Variants in ZFAND3 observed in about 807,000 individuals in gnomAD.
ZFAND3 encodes the protein zinc finger AN1-type containing 3.
ZFAND3 carries 10 observed loss-of-function variants against 29.6 expected under a neutral mutation model. The ratio of observed to expected loss-of-function variants is 0.34; its 90% confidence interval spans 0.21 to 0.57. ZFAND3 has a LOEUF of 0.57. ZFAND3 is among the 20% of genes least tolerant of loss of function. The pLI, the probability that ZFAND3 is intolerant of heterozygous loss-of-function variation, is 0.86. For missense variants in ZFAND3, 230 were observed against 304.5 expected, an observed-to-expected ratio of 0.76 and a Z score of 1.82; for synonymous variants, 128 against 112.6, an observed-to-expected ratio of 1.14 and a Z score of -0.87.
chr6:38,079,376 C>T (rs530894924), intron 3 of ZFAND3, among the ~76,000 whole-genome samples: 2 of 152,236 alleles, frequency 1.3e-5, no homozygotes, highest in South Asian at 4.1e-4. Context: ...CTGGAGAACA[C>T]CTTCATGATG....
At chr6:38,148,789 A>G (rs1291474794) in intron 5 of ZFAND3, among the ~76,000 whole-genome samples, 4 of 152,126 alleles carry the variant, frequency 2.6e-5, no homozygotes, top group East Asian at 1.9e-4. Flanking sequence ...ACCAAAATGC[A>G]TTTCACCATT....
intron 1 of ZFAND3, among the ~76,000 whole-genome samples, chr6:37,837,682 T>A (rs1202072829): frequency 6.6e-6 from 1 of 152,094 alleles, no homozygotes; most frequent in African/African-American, 2.4e-5. Context: ...CTTTTTTGTA[T>A]TTTTAATAGA....
At chr6:38,014,075 A>C (rs1271137216) in intron 2 of ZFAND3, among the ~76,000 whole-genome samples, 2 of 152,170 alleles carry the variant, frequency 1.3e-5, no homozygotes, top group African/African-American at 4.8e-5. Flanking sequence ...AATAGTTCCC[A>C]AAAAATGTTT....
At chr6:38,059,514 A>G (rs1257480981) in intron 2 of ZFAND3, among the ~76,000 whole-genome samples, 1 of 152,126 alleles carries the variant, frequency 6.6e-6, no homozygotes, top group African/African-American at 2.4e-5. Flanking sequence ...GCCTCTCACC[A>G]TCATACCACC....
chr6:37,921,941 G>A (rs1761389448), intron 1 of ZFAND3, among the ~76,000 whole-genome samples: 1 of 151,478 alleles, frequency 6.6e-6, no homozygotes, highest in South Asian at 2.1e-4. Flanking sequence ...GCATGTACCT[G>A]TAGTCCCAGT....
At position 38,103,452 on chromosome 6, in the gene ZFAND3, CACACATATATACACGTGTATATATAT is replaced by C. The variant is rs1765140619; in HGVS notation, c.362-13114_362-13089del. On this transcript the variant is annotated intron_variant, in intron 4 of 5. Transcript: ENST00000287218. ...ATATATATACACGTGTATATATATA[CACACATATATACACGTGTATATATAT>C]ACACACATATATACACGTGTATATA... Among the ~76,000 whole-genome samples the C allele has an allele frequency of 1.6e-4, 12 of 75,476 alleles. 1 individual carries two copies. The highest frequency in any genetic ancestry group is 6.6e-4 in the Admixed American group (5 of 7,628). 49.5% of individuals were successfully genotyped at this position (75,476 alleles called of 152,430 possible). A position where few individuals can be genotyped will look rare whatever the true frequency, so the allele number is the denominator to read the frequency against.
At chr6:37,844,172 C>T (rs1045758361) in intron 1 of ZFAND3, among the ~76,000 whole-genome samples, 3 of 152,284 alleles carry the variant, frequency 2.0e-5, no homozygotes, top group East Asian at 1.9e-4. Context: ...GATCTGCCCG[C>T]CTCGACCTCC....
At chr6:38,064,847 G>T (rs1396025969) in intron 3 of ZFAND3, among the ~76,000 whole-genome samples, 2 of 152,026 alleles carry the variant, frequency 1.3e-5, no homozygotes, top group Non-Finnish European at 2.9e-5. Context: ...AGTTTCTACA[G>T]ATCTAGGGAA....
chr6:37,921,223 T>C (rs1761371494), intron 1 of ZFAND3, among the ~76,000 whole-genome samples: 1 of 152,164 alleles, frequency 6.6e-6, no homozygotes, highest in Non-Finnish European at 1.5e-5. Flanking sequence ...TTTTTAGAAA[T>C]GTGACAGTTT....
At position 37,847,964 on chromosome 6, in the gene ZFAND3, A is replaced by G. The variant is rs192269148; in HGVS notation, c.71+27948A>G. On this transcript the variant is annotated intron_variant, in intron 1 of 5. Coordinates refer to ENST00000287218, the MANE Select transcript of ZFAND3 (RefSeq NM_021943.3). Reference sequence around the variant, plus strand: ...GTTGTGACAGAGATGTAGTGGCCTAAAAGCGTAAAATACTTACAGAAAGGT... The same window carrying G: ...GTTGTGACAGAGATGTAGTGGCCTAGAAGCGTAAAATACTTACAGAAAGGT... Among the ~76,000 whole-genome samples the G allele has an allele frequency of 9.2e-5, 14 of 152,380 alleles. No homozygotes were observed. In the East Asian group the frequency reaches 2.5e-3, roughly 27 times the overall value.
rs918888859 is a variant in ZFAND3, at chr6:38,154,545, T to C, written c.*2156T>C. On this transcript the variant is annotated 3_prime_UTR_variant, in exon 6 of 6. Coordinates refer to ENST00000287218, the MANE Select transcript of ZFAND3 (RefSeq NM_021943.3). ...CTAGAGCTCAGTTTTAGTTTTAACA[T>C]TGTGAAAATATTAAAAGAATCTTGT... 2.7e-5 allele frequency: 26 copies of C among 976,284 alleles called. No individual in the cohort carries two copies. The highest frequency in any genetic ancestry group is 1.1e-4 in the African/African-American group (6 of 57,046). The allele number at this position is 976,284 out of a possible 1,614,324, so 60.5% of individuals were successfully genotyped here.
At chr6:37,846,372 C>T (rs1184260123) in intron 1 of ZFAND3, among the ~76,000 whole-genome samples, 3 of 152,112 alleles carry the variant, frequency 2.0e-5, no homozygotes, top group Non-Finnish European at 4.4e-5. Flanking sequence ...CAAGAGGATC[C>T]CTTGAGCACA....
intron 2 of ZFAND3, among the ~76,000 whole-genome samples, chr6:37,981,949 G>A (rs893650777): frequency 6.6e-5 from 10 of 152,236 alleles, no homozygotes; most frequent in Middle Eastern, 3.4e-3. Flanking sequence ...CTCAAAGTGG[G>A]GAGAGGGCTT....
chr6:37,968,977 A>G (rs900577259), intron 2 of ZFAND3, among the ~76,000 whole-genome samples: 3 of 152,176 alleles, frequency 2.0e-5, no homozygotes, highest in African/African-American at 7.2e-5. Context: ...GTTCTGAGTG[A>G]ACTTCCTAGA....
chr6:37,935,327 C>T (rs954651144), intron 2 of ZFAND3, among the ~76,000 whole-genome samples: 3 of 151,962 alleles, frequency 2.0e-5, no homozygotes, highest in Admixed American at 2.0e-4. Context: ...TTTTCTTACC[C>T]CCTTGATAAT....
intron 2 of ZFAND3, among the ~76,000 whole-genome samples, chr6:37,987,367 ATTAACCAAAAATGT>A (rs1297282661): frequency 3.9e-5 from 6 of 152,366 alleles, no homozygotes; most frequent in Non-Finnish European, 8.8e-5. Flanking sequence ...ATTGGTGAGT[ATTAACCAAAAATGT>A]TTACAATCAA....
At chr6:38,035,667 T>A (rs1032494726) in intron 2 of ZFAND3, among the ~76,000 whole-genome samples, 1 of 152,188 alleles carries the variant, frequency 6.6e-6, no homozygotes, top group Non-Finnish European at 1.5e-5. Context: ...TATGAACTGT[T>A]GTGTAAGCAG....
intron 2 of ZFAND3, among the ~76,000 whole-genome samples, chr6:37,992,912 A>T: frequency 6.6e-6 from 1 of 152,088 alleles, no homozygotes; most frequent in Non-Finnish European, 1.5e-5. Context: ...CATTCATCTA[A>T]TTGGTTTCCT....
chr6:38,124,482 C>T (rs915321976), intron 5 of ZFAND3, among the ~76,000 whole-genome samples: 2 of 152,168 alleles, frequency 1.3e-5, no homozygotes, highest in African/African-American at 4.8e-5. Context: ...CCCTGCCCTG[C>T]CGGGAGGCAG....
Sources: allele counts gnomAD v4.1 joint callset (sites outside exome capture counted in the v4.1 genomes callset), GRCh38; gene constraint gnomAD v4.1.1; transcripts MANE v1.5; gene names NCBI Gene and HGNC (gene_info 2026-07-23, HGNC 2026-07-21).